Variants in EXOC6B observed in about 807,000 individuals in gnomAD.
EXOC6B encodes exocyst complex component 6B.
EXOC6B carries 54 observed loss-of-function variants against 113.5 expected under a neutral mutation model. The ratio of observed to expected loss-of-function variants is 0.48; its 90% CI spans 0.38 to 0.60. The LOEUF is 0.60. Among genes scored for constraint, EXOC6B ranks in the 20% least tolerant of loss-of-function variants. EXOC6B has a pLI of 0.00. For synonymous variants in EXOC6B, 357 were observed against 339.0 expected (o/e 1.05, Z -0.58); for missense variants, 797 against 977.5 (o/e 0.82, Z 2.46).
chr2:72,188,630 T>A (rs1238761132), intron 20 of EXOC6B, among the ~76,000 whole-genome samples: 9 of 152,174 alleles, frequency 5.9e-5, no homozygotes, highest in Admixed American at 5.9e-4. Context: ...TACTTTGATT[T>A]CCAGACTGAC....
intron 6 of EXOC6B, among the ~76,000 whole-genome samples, chr2:72,629,375 A>T (rs1372613962): frequency 6.6e-6 from 1 of 152,146 alleles, no homozygotes; most frequent in Non-Finnish European, 1.5e-5. Flanking sequence ...CTCTACTTAC[A>T]ATTAGTTATT....
intron 6 of EXOC6B, among the ~76,000 whole-genome samples, chr2:72,604,568 G>A (rs1019210343): frequency 2.0e-5 from 3 of 152,204 alleles, no homozygotes; most frequent in Admixed American, 6.5e-5. Flanking sequence ...AGTGCTTTAA[G>A]TGATTACAAG....
At position 72,623,741 on chromosome 2, in the gene EXOC6B, A is replaced by C. The variant is rs369627511; in HGVS notation, c.670-48073T>G. Among the ~76,000 whole-genome samples the C allele has an allele frequency of 5.3e-5, 8 of 152,290 alleles. No homozygotes were observed. In the South Asian group the frequency reaches 1.7e-3, roughly 32 times the overall value. On this transcript the variant is annotated intron_variant, in intron 6 of 21. Coordinates refer to ENST00000272427, the MANE Select transcript of EXOC6B (RefSeq NM_015189.3). Reference sequence around the variant, plus strand: ...CATCTGTTCCATAACCTCAGATTAAATATCTCCTATTCAAAAGGTTCAAAA... The same window carrying C: ...CATCTGTTCCATAACCTCAGATTAACTATCTCCTATTCAAAAGGTTCAAAA...
intron 8 of EXOC6B, 90 bp from the exon 9 acceptor site, chr2:72,515,216 T>A: frequency 8.2e-7 from 1 of 1,216,608 alleles, no homozygotes; most frequent in Non-Finnish European, 1.2e-6. Flanking sequence ...GGTCTGGAAT[T>A]TGAGGTAGTA....
intron 19 of EXOC6B, among the ~76,000 whole-genome samples, chr2:72,365,735 A>C (rs1239797323): frequency 6.6e-6 from 1 of 152,188 alleles, no homozygotes; most frequent in Non-Finnish European, 1.5e-5. Flanking sequence ...AGGCTGGAGA[A>C]AGAACCATTA....
At chr2:72,548,312 T>G (rs1308161758) in intron 8 of EXOC6B, among the ~76,000 whole-genome samples, 1 of 152,212 alleles carries the variant, frequency 6.6e-6, no homozygotes, top group Non-Finnish European at 1.5e-5. Flanking sequence ...CTGATAAGGC[T>G]GGCAGATATA....
intron 6 of EXOC6B, among the ~76,000 whole-genome samples, chr2:72,696,700 GATAACCT>G (rs1250298779): frequency 3.9e-5 from 6 of 152,164 alleles, no homozygotes; most frequent in Non-Finnish European, 8.8e-5. Flanking sequence ...GGAGAACTGA[GATAACCT>G]ATCCAACAAC....
At chr2:72,223,095 C>T (rs1680979553) in intron 20 of EXOC6B, among the ~76,000 whole-genome samples, 1 of 152,136 alleles carries the variant, frequency 6.6e-6, no homozygotes, top group Admixed American at 6.5e-5. Context: ...ACCACAGCTG[C>T]CTGTTCCTTG....
chr2:72,411,149 C>T (rs971042566), intron 18 of EXOC6B, among the ~76,000 whole-genome samples: 3 of 152,218 alleles, frequency 2.0e-5, no homozygotes, highest in African/African-American at 7.2e-5. Context: ...GAGGTCAAGG[C>T]TGCAGTGAGC....
intron 18 of EXOC6B, among the ~76,000 whole-genome samples, chr2:72,422,715 C>A (rs1257020451): frequency 6.6e-6 from 1 of 151,996 alleles, no homozygotes; most frequent in Non-Finnish European, 1.5e-5. Context: ...CCAATCAGCA[C>A]CCAGTGTTTA....
intron 6 of EXOC6B, among the ~76,000 whole-genome samples, chr2:72,592,537 C>G (rs542612982): frequency 6.6e-6 from 1 of 152,120 alleles, no homozygotes; most frequent in Non-Finnish European, 1.5e-5. Flanking sequence ...ATAATACTGT[C>G]CACTGGTGTC....
intron 20 of EXOC6B, among the ~76,000 whole-genome samples, chr2:72,255,752 T>A (rs1409856248): frequency 6.6e-6 from 1 of 152,182 alleles, no homozygotes; most frequent in Non-Finnish European, 1.5e-5. Flanking sequence ...TGATGAAATG[T>A]GGGACTTTTG....
intron 7 of EXOC6B, among the ~76,000 whole-genome samples, chr2:72,568,278 A>T (rs1704307502): frequency 1.3e-5 from 2 of 151,972 alleles, no homozygotes; most frequent in Admixed American, 6.6e-5. Flanking sequence ...GGCTGCAAGG[A>T]AAAAAACGAA....
chr2:72,459,930 G>T (rs1276458039), intron 18 of EXOC6B, among the ~76,000 whole-genome samples: 1 of 152,144 alleles, frequency 6.6e-6, no homozygotes, highest in African/African-American at 2.4e-5. Flanking sequence ...AAAGCTGGAG[G>T]CATCATGCTA....
intron 20 of EXOC6B, among the ~76,000 whole-genome samples, chr2:72,288,535 A>G (rs1473052022): frequency 6.6e-6 from 1 of 152,168 alleles, no homozygotes; most frequent in African/African-American, 2.4e-5. Flanking sequence ...GAAAGAATAA[A>G]CTGCTTCATA....
intron 18 of EXOC6B, among the ~76,000 whole-genome samples, chr2:72,439,881 C>A (rs939529583): frequency 6.6e-6 from 1 of 152,182 alleles, no homozygotes; most frequent in African/African-American, 2.4e-5. Context: ...CTTCAGATTG[C>A]TGACCTTTGG....
chr2:72,780,040 T>C (rs548188631), intron 1 of EXOC6B, among the ~76,000 whole-genome samples: 1 of 152,200 alleles, frequency 6.6e-6, no homozygotes, highest in African/African-American at 2.4e-5. Flanking sequence ...TTGGTATAAC[T>C]TAAACTTTTT....
At chr2:72,300,394 G>A (rs1686435157) in intron 20 of EXOC6B, among the ~76,000 whole-genome samples, 1 of 152,184 alleles carries the variant, frequency 6.6e-6, no homozygotes, top group Non-Finnish European at 1.5e-5. Flanking sequence ...GAGCATCCCA[G>A]GTCGACCTCA....
chr2:72,646,132 A>G (rs1464600722), intron 6 of EXOC6B, among the ~76,000 whole-genome samples: 1 of 152,216 alleles, frequency 6.6e-6, no homozygotes, highest in Non-Finnish European at 1.5e-5. Context: ...TCCTACAGAA[A>G]TACAAACTAC....
Sources: allele counts gnomAD v4.1 joint callset (sites outside exome capture counted in the v4.1 genomes callset), GRCh38; gene constraint gnomAD v4.1.1; transcripts MANE v1.5; gene names NCBI Gene and HGNC (gene_info 2026-07-23, HGNC 2026-07-21).